ASTN2: variants seen among roughly 807,000 people sequenced by gnomAD.
ASTN2 encodes astrotactin-2.
In ASTN2, 54 loss-of-function variants were observed where a neutral mutation model predicts 139.8. That is an observed-to-expected ratio of 0.39 (90% CI 0.31 to 0.48). The LOEUF (loss-of-function observed/expected upper bound fraction) is 0.48, where lower values mean the gene tolerates loss of function less well. Ranked by LOEUF, ASTN2 falls within the 20% of genes least tolerant of loss-of-function variation. The probability of loss-of-function intolerance (pLI) is 0.95; values close to 1 mark genes in which losing one functional copy is unlikely to be tolerated. For missense variants in ASTN2, 1,565 were observed against 1,725.1 expected (o/e 0.91, Z 1.64); for synonymous variants, 756 against 719.5 (o/e 1.05, Z -0.81).
At chr9:117,256,489 G>A (rs1047608464) in intron 2 of ASTN2, among the ~76,000 whole-genome samples, 3 of 152,160 alleles carry the variant, frequency 2.0e-5, no homozygotes, top group African/African-American at 7.2e-5. Flanking sequence ...TAAAGCAAGT[G>A]AGGCTTAGAG....
chr9:117,030,512 G>A (rs750001074), intron 6 of ASTN2, among the ~76,000 whole-genome samples: 58 of 152,152 alleles, frequency 3.8e-4, no homozygotes, highest in Non-Finnish European at 7.1e-4. Context: ...GATTCATTCT[G>A]GTTGGAAGCC....
intron 19 of ASTN2, among the ~76,000 whole-genome samples, chr9:116,539,788 T>C (rs949561143): frequency 2.0e-5 from 3 of 152,236 alleles, no homozygotes; most frequent in African/African-American, 7.2e-5. Context: ...AACTTATGAA[T>C]TGTTTACTTC....
intron 2 of ASTN2, among the ~76,000 whole-genome samples, chr9:117,262,906 G>T (rs1381332625): frequency 6.6e-6 from 1 of 152,162 alleles, no homozygotes. Flanking sequence ...AGGGGGCCAT[G>T]AGCCAAGGAA....
At chr9:117,128,334 C>A (rs1325169226) in intron 4 of ASTN2, among the ~76,000 whole-genome samples, 2 of 145,904 alleles carry the variant, frequency 1.4e-5, no homozygotes, top group Non-Finnish European at 3.0e-5. Context: ...GATCCCATCA[C>A]TGCACTCCAG....
At chr9:117,175,929 A>C (rs1830904628) in intron 3 of ASTN2, among the ~76,000 whole-genome samples, 1 of 152,054 alleles carries the variant, frequency 6.6e-6, no homozygotes. Context: ...ACTAAAACAT[A>C]AGTCATAGAT....
At chr9:116,498,427 A>G (rs1005809314) in intron 19 of ASTN2, among the ~76,000 whole-genome samples, 1 of 126,520 alleles carries the variant, frequency 7.9e-6, no homozygotes, top group Non-Finnish European at 1.7e-5. Context: ...TCTAAAAAAA[A>G]ACAAAAAACA....
At chr9:117,169,680 G>A (rs983304613) in intron 3 of ASTN2, among the ~76,000 whole-genome samples, 1 of 151,248 alleles carries the variant, frequency 6.6e-6, no homozygotes, top group Non-Finnish European at 1.5e-5. Context: ...TCATGTTAAC[G>A]AACATTCTGT....
At chr9:116,839,125 A>G (rs1312581656) in intron 11 of ASTN2, among the ~76,000 whole-genome samples, 2 of 152,050 alleles carry the variant, frequency 1.3e-5, no homozygotes, top group Non-Finnish European at 2.9e-5. Flanking sequence ...CTCAAAAATT[A>G]TGGTAAATAT....
chr9:117,354,728 G>C (rs1829489647), intron 1 of ASTN2, among the ~76,000 whole-genome samples: 1 of 151,962 alleles, frequency 6.6e-6, no homozygotes, highest in South Asian at 2.1e-4. Context: ...GGCCTTGCCT[G>C]ATCCTAGAAC....
chr9:117,225,078 G>A (rs1239458781), intron 2 of ASTN2, among the ~76,000 whole-genome samples: 2 of 152,150 alleles, frequency 1.3e-5, no homozygotes, highest in Admixed American at 6.6e-5. Flanking sequence ...GAAGGGCAGG[G>A]TTTTATTTAT....
intron 2 of ASTN2, among the ~76,000 whole-genome samples, chr9:117,240,068 GAAGTCAACCATAGT>G (rs1833161572): frequency 6.6e-6 from 1 of 152,166 alleles, no homozygotes; most frequent in Non-Finnish European, 1.5e-5. Context: ...TGAAAATTTA[GAAGTCAACCATAGT>G]AAGTCAGGGG....
chr9:117,290,132 C>T (rs1564128667), intron 2 of ASTN2, among the ~76,000 whole-genome samples: 1 of 152,152 alleles, frequency 6.6e-6, no homozygotes, highest in Non-Finnish European at 1.5e-5. Flanking sequence ...ATGCCAATCA[C>T]TTCACCCCTC....
At chr9:116,967,622 G>T (rs1247024888) in intron 10 of ASTN2, among the ~76,000 whole-genome samples, 1 of 152,210 alleles carries the variant, frequency 6.6e-6, no homozygotes, top group African/African-American at 2.4e-5. Flanking sequence ...ACTCATTAAT[G>T]AAAGCTTGTA....
intron 20 of ASTN2, among the ~76,000 whole-genome samples, chr9:116,477,078 T>C (rs928664304): frequency 6.6e-6 from 1 of 151,034 alleles, no homozygotes; most frequent in African/African-American, 2.4e-5. Flanking sequence ...GTCTGTGCCC[T>C]GTCCCTCTGG....
intron 1 of ASTN2, among the ~76,000 whole-genome samples, chr9:117,334,009 G>A (rs567068678): frequency 6.6e-6 from 1 of 152,290 alleles, no homozygotes; most frequent in African/African-American, 2.4e-5. Context: ...CTGCATACCA[G>A]AGGTCAACAA....
intron 13 of ASTN2, among the ~76,000 whole-genome samples, chr9:116,762,262 G>A (rs577474220): frequency 5.5e-4 from 83 of 152,284 alleles, no homozygotes; most frequent in African/African-American, 1.9e-3. Flanking sequence ...TCAAGGTCCT[G>A]GTTTTGCCAC....
chr9:116,490,469 T>C (rs1849483715), intron 19 of ASTN2, among the ~76,000 whole-genome samples: 1 of 152,052 alleles, frequency 6.6e-6, no homozygotes, highest in Admixed American at 6.6e-5. Context: ...TTTCAATTTG[T>C]TTCCAGATAG....
rs116984863 is a variant in ASTN2 at position 117,339,125 on chromosome 9, C to G, written c.443-47612G>C. Among the ~76,000 whole-genome samples, 6 of 152,218 alleles carry G rather than the reference C, an allele frequency of 3.9e-5. No homozygotes were observed. The East Asian group carries it at 1.2e-3, about 30-fold the overall frequency. On this transcript the variant is annotated intron_variant, in intron 1 of 22. Coordinates refer to ENST00000313400, the MANE Select transcript of ASTN2 (RefSeq NM_001365068.1). The stretch of plus-strand genomic sequence containing the variant: ...AGCAGGATTTAGGCATCTGTGGTTC[C>G]TGACTACAACACCATCAAACCCCCA...
intron 16 of ASTN2, among the ~76,000 whole-genome samples, chr9:116,654,423 C>T (rs962515129): frequency 6.6e-5 from 10 of 152,126 alleles, no homozygotes; most frequent in Admixed American, 1.3e-4. Context: ...GATCCAACCA[C>T]ATAGGAATAT....
Sources: gnomAD v4.1 joint callset for allele counts (sites outside exome capture counted in the v4.1 genomes callset) on GRCh38, gnomAD v4.1.1 for gene constraint, MANE v1.5 for transcripts, NCBI Gene and HGNC (gene_info 2026-07-23, HGNC 2026-07-21) for gene names.